The following COL11A1 variants were observed in gnomAD, a reference collection of about 807,000 sequenced individuals.
The protein encoded by COL11A1 is collagen alpha-1(XI) chain.
In COL11A1, 74 loss-of-function variants were observed where a neutral mutation model predicts 265.2. The ratio of observed to expected loss-of-function variants is 0.28; its 90% CI spans 0.23 to 0.34. The LOEUF (loss-of-function observed/expected upper bound fraction) is 0.34. Ranked by LOEUF, COL11A1 falls within the 10% of genes least tolerant of loss-of-function variation. The pLI, the probability that COL11A1 is intolerant of heterozygous loss-of-function variation, is 1.00. For missense variants in COL11A1, 2,165 were observed against 2,263.6 expected, an observed-to-expected ratio of 0.96 and a Z score of 0.88; for synonymous variants, 816 against 727.6, an observed-to-expected ratio of 1.12 and a Z score of -1.96.
chr1:102,887,976 G>C (rs1227975145), intron 62 of COL11A1, among the ~76,000 whole-genome samples: 2 of 152,100 alleles, frequency 1.3e-5, no homozygotes, highest in Admixed American at 1.3e-4. Flanking sequence ...CCAACACTGG[G>C]AGACAATACA....
At chr1:103,068,010 A>G (rs1165506740) in intron 4 of COL11A1, among the ~76,000 whole-genome samples, 1 of 151,666 alleles carries the variant, frequency 6.6e-6, no homozygotes, top group Non-Finnish European at 1.5e-5. Context: ...AATTCTATCC[A>G]GTATTCAAGA....
rs545980850 is a variant in COL11A1 at position 103,030,937 on chromosome 1, C to T, written c.780+179G>A. On this transcript the variant is annotated intron_variant, in intron 5 of 66. Coordinates refer to ENST00000370096, the MANE Select transcript of COL11A1 (RefSeq NM_001854.4). ...AAATTTATGTAATCAAATGCTTAAA[C>T]AGCAAGAAAACAAGTACCAAATATA... The T allele has an allele frequency of 6.2e-4, 457 of 738,346 alleles. 7 individuals carry two copies. The South Asian group carries it at 7.5e-3, about 12-fold the overall frequency. The allele number at this position is 738,346 out of a possible 1,614,324, so 45.7% of individuals were successfully genotyped here.
chr1:102,886,624 T>C (rs531977046), intron 63 of COL11A1, among the ~76,000 whole-genome samples, 183 bp downstream of exon 63: 1 of 152,304 alleles, frequency 6.6e-6, no homozygotes, highest in South Asian at 2.1e-4. Context: ...CAGACAAGGA[T>C]TTTCCAAAGC....
At chr1:102,914,843 G>A (rs752067008) in intron 50 of COL11A1, 32 bp from the exon 51 acceptor site, 5 of 1,424,688 alleles carry the variant, frequency 3.5e-6, no homozygotes, top group Non-Finnish European at 4.9e-6. Context: ...AAAAGAAGAA[G>A]AAGGAAAGAA....
chr1:103,064,972 A>G (rs1246559518), intron 4 of COL11A1, among the ~76,000 whole-genome samples: 1 of 152,150 alleles, frequency 6.6e-6, no homozygotes, highest in Non-Finnish European at 1.5e-5. Flanking sequence ...TATGGTGAGT[A>G]CATGTCATTA....
At chr1:103,011,061 C>A (rs1666086644) in intron 14 of COL11A1, among the ~76,000 whole-genome samples, 1 of 152,260 alleles carries the variant, frequency 6.6e-6, no homozygotes, top group African/African-American at 2.4e-5. Flanking sequence ...CCATAGGAAT[C>A]AACCTGGTGC....
intron 57 of COL11A1, among the ~76,000 whole-genome samples, chr1:102,892,830 A>G (rs1294858198): frequency 2.6e-5 from 4 of 152,140 alleles, no homozygotes; most frequent in Non-Finnish European, 4.4e-5. Context: ...CAACAGACAA[A>G]AGTTATTTTC....
chr1:103,052,417 C>A (rs2102143437), intron 4 of COL11A1, among the ~76,000 whole-genome samples: 1 of 152,286 alleles, frequency 6.6e-6, no homozygotes, highest in East Asian at 1.9e-4. Context: ...CATTACATTT[C>A]TCAGAACTGC....
chr1:103,040,240 T>C (rs1233747226), intron 4 of COL11A1, among the ~76,000 whole-genome samples: 2 of 151,484 alleles, frequency 1.3e-5, no homozygotes, highest in Non-Finnish European at 3.0e-5. Context: ...CCCTAATATT[T>C]GAACTATGTG....
intron 37 of COL11A1, among the ~76,000 whole-genome samples, chr1:102,967,848 AT>A (rs67395246): frequency 0.056 from 8,514 of 152,298 alleles, 268 homozygotes; most frequent in Non-Finnish European, 0.074. Context: ...CACACAAAAT[AT>A]TGCAATAATA....
chr1:102,999,570 A>G (rs1664928755), intron 24 of COL11A1, among the ~76,000 whole-genome samples: 1 of 151,864 alleles, frequency 6.6e-6, no homozygotes, highest in Non-Finnish European at 1.5e-5. Flanking sequence ...TGGTATATTT[A>G]TCAAAAATGT....
At chr1:102,886,018 A>G (rs1201435725) in intron 63 of COL11A1, among the ~76,000 whole-genome samples, 2 of 152,156 alleles carry the variant, frequency 1.3e-5, no homozygotes, top group Non-Finnish European at 2.9e-5. Context: ...TCACAGTTAT[A>G]ACTGACATTA....
chr1:102,991,388 T>C (rs1281010852), intron 28 of COL11A1, among the ~76,000 whole-genome samples: 7 of 152,150 alleles, frequency 4.6e-5, no homozygotes, highest in Non-Finnish European at 8.8e-5. Context: ...TACTTTAAAA[T>C]ATCCTAATCG....
intron 49 of COL11A1, among the ~76,000 whole-genome samples, chr1:102,917,645 T>TTC (rs1285923453): frequency 1.3e-5 from 2 of 151,908 alleles, no homozygotes; most frequent in African/African-American, 4.8e-5. Flanking sequence ...TGTTTTGTTG[T>TTC]TCTCTTTTCG....
At position 102,935,130 on chromosome 1, in the gene COL11A1, A is replaced by G. The variant is rs1475741001; in HGVS notation, c.3439-17T>C. The G allele has an allele frequency of 2.5e-6, 4 of 1,611,902 alleles. No individual in the cohort carries two copies. In the South Asian group the frequency reaches 3.3e-5, roughly 13 times the overall value. On this transcript the variant is annotated splice_polypyrimidine_tract_variant and intron_variant, in intron 44 of 66. Coordinates refer to ENST00000370096, the MANE Select transcript of COL11A1 (RefSeq NM_001854.4). ...GGGAGGGCCCTGCAGTGAGATAAAA[A>G]TAAGTAATTTTTAAAGTGAAGCCAG...
intron 66 of COL11A1, among the ~76,000 whole-genome samples, chr1:102,878,839 T>C (rs1043821311): frequency 2.0e-5 from 3 of 152,042 alleles, no homozygotes; most frequent in Non-Finnish European, 4.4e-5. Context: ...TCTTTACCAT[T>C]ATAGTTAAGA....
At chr1:103,090,892 G>C (rs1177453526) in intron 1 of COL11A1, among the ~76,000 whole-genome samples, 1 of 152,024 alleles carries the variant, frequency 6.6e-6, no homozygotes, top group Non-Finnish European at 1.5e-5. Flanking sequence ...ATCTCTAAAT[G>C]TCCATTCAAA....
At chr1:102,997,631 C>G (rs1292164896) in intron 25 of COL11A1, among the ~76,000 whole-genome samples, 2 of 151,590 alleles carry the variant, frequency 1.3e-5, no homozygotes, top group African/African-American at 2.4e-5. Flanking sequence ...CACAATTATA[C>G]CCAATAACAA....
At chr1:102,933,427 C>T (rs1039287076) in intron 46 of COL11A1, among the ~76,000 whole-genome samples, 6 of 150,724 alleles carry the variant, frequency 4.0e-5, no homozygotes, top group Non-Finnish European at 5.9e-5. Context: ...CAGGGACCCA[C>T]TTGAGGAGGC....
Sources: gnomAD v4.1 joint callset for allele counts (sites outside exome capture counted in the v4.1 genomes callset) on GRCh38, gnomAD v4.1.1 for gene constraint, MANE v1.5 for transcripts, NCBI Gene and HGNC (gene_info 2026-07-23, HGNC 2026-07-21) for gene names.